Variants in SND1 observed in about 807,000 individuals in gnomAD.
SND1 encodes the protein staphylococcal nuclease and tudor domain containing 1, also known as staphylococcal nuclease domain-containing protein 1.
In SND1, 38 loss-of-function variants were observed where a neutral mutation model predicts 121.7. That is an observed-to-expected ratio of 0.31 (90% CI 0.24 to 0.41). The LOEUF is 0.41. Among genes scored for constraint, SND1 ranks in the 10% least tolerant of loss-of-function variants. SND1 has a pLI of 1.00. For missense variants in SND1, 868 were observed against 1,184.6 expected (o/e 0.73, Z 3.92); for synonymous variants, 401 against 447.4 (o/e 0.90, Z 1.31).
chr7:127,794,774 A>G (rs548674650), intron 10 of SND1, among the ~76,000 whole-genome samples: 71 of 152,268 alleles, frequency 4.7e-4, no homozygotes, highest in African/African-American at 1.7e-3. Context: ...TTGGCTCTCC[A>G]TTTTTAGCCG....
At chr7:127,828,092 G>T (rs1289729648) in intron 11 of SND1, among the ~76,000 whole-genome samples, 1 of 152,118 alleles carries the variant, frequency 6.6e-6, no homozygotes, top group Non-Finnish European at 1.5e-5. Flanking sequence ...TGCCTCACAG[G>T]TTCAAGTGAT....
intron 13 of SND1, among the ~76,000 whole-genome samples, chr7:127,895,805 A>T (rs559333345): frequency 6.6e-6 from 1 of 152,110 alleles, no homozygotes; most frequent in East Asian, 1.9e-4. Context: ...GGAGAGCTGT[A>T]TGATGTCTCC....
At position 128,052,151 on chromosome 7, in the gene SND1, C is replaced by G. The variant is rs560427527; in HGVS notation, c.1780-22351C>G. On this transcript the variant is annotated intron_variant, in intron 16 of 23. Coordinates refer to ENST00000354725, the MANE Select transcript of SND1 (RefSeq NM_014390.4). The surrounding 1 kb of genome is among the most constrained non-coding windows in gnomAD (Gnocchi z 4.6). ...TGACCTTCAGTTCAGTTGGAGTGCT[C>G]TGGAACTCACTAGGGCTTTCTGAGG... Among the ~76,000 whole-genome samples the G allele has an allele frequency of 1.3e-5, 2 of 152,318 alleles. No homozygotes were observed. Among genetic ancestry groups the G allele is most frequent in the African/African-American group, 2.4e-5 (1 of 41,562 alleles).
At chr7:127,739,604 G>T (rs1206307202) in intron 10 of SND1, among the ~76,000 whole-genome samples, 1 of 152,178 alleles carries the variant, frequency 6.6e-6, no homozygotes, top group Non-Finnish European at 1.5e-5. Context: ...TGCCCACCAG[G>T]GGAGAGTGTA....
intron 1 of SND1, among the ~76,000 whole-genome samples, chr7:127,682,978 A>G (rs1044844586): frequency 1.3e-5 from 2 of 152,230 alleles, no homozygotes; most frequent in African/African-American, 2.4e-5. Flanking sequence ...ATTGTTGAGC[A>G]TATAGACCCT....
chr7:127,711,944 A>G (rs1172268328), intron 9 of SND1, among the ~76,000 whole-genome samples: 2 of 142,906 alleles, frequency 1.4e-5, no homozygotes, highest in African/African-American at 5.1e-5. Flanking sequence ...TGCGAAATTG[A>G]TTTTTTTTTT....
At chr7:127,956,033 T>C (rs1801584759) in intron 15 of SND1, among the ~76,000 whole-genome samples, 1 of 152,162 alleles carries the variant, frequency 6.6e-6, no homozygotes, top group African/African-American at 2.4e-5. Flanking sequence ...CCTGTTGCCT[T>C]CTCTCTTTTT....
At chr7:127,934,913 G>A (rs1801029074) in intron 15 of SND1, among the ~76,000 whole-genome samples, 2 of 152,170 alleles carry the variant, frequency 1.3e-5, no homozygotes, top group Admixed American at 1.3e-4. Context: ...AGCGGGCTGA[G>A]TGTTCATATA....
At chr7:127,737,124 T>C (rs1303909369) in intron 10 of SND1, among the ~76,000 whole-genome samples, 1 of 152,216 alleles carries the variant, frequency 6.6e-6, no homozygotes, top group Non-Finnish European at 1.5e-5. Flanking sequence ...TTAAAATCAC[T>C]GTTGCTAAAG....
chr7:127,859,720 G>A (rs1799344380), intron 12 of SND1, among the ~76,000 whole-genome samples: 1 of 152,146 alleles, frequency 6.6e-6, no homozygotes, highest in African/African-American at 2.4e-5. Flanking sequence ...GATGCTTGGT[G>A]TTTTATCAGT....
intron 4 of SND1, 64 bp from the exon 5 acceptor site, chr7:127,701,099 C>G: frequency 6.4e-7 from 1 of 1,565,066 alleles, no homozygotes; most frequent in Non-Finnish European, 8.7e-7. Flanking sequence ...AAACCTATAT[C>G]AGAGAGCCTC....
intron 1 of SND1, among the ~76,000 whole-genome samples, chr7:127,678,589 C>T (rs775568771): frequency 1.2e-4 from 19 of 152,118 alleles, no homozygotes; most frequent in East Asian, 1.9e-4. Flanking sequence ...AAAACACATA[C>T]GCACACACAC....
At chr7:127,689,610 G>A (rs887169199) in intron 2 of SND1, among the ~76,000 whole-genome samples, 5 of 152,184 alleles carry the variant, frequency 3.3e-5, no homozygotes, top group African/African-American at 1.2e-4. Context: ...AGGATACTGT[G>A]TAATCTGATC....
At chr7:127,883,261 T>A (rs1323743385) in intron 12 of SND1, among the ~76,000 whole-genome samples, 1 of 152,118 alleles carries the variant, frequency 6.6e-6, no homozygotes, top group Non-Finnish European at 1.5e-5. Context: ...TATGCCAACA[T>A]GGAGAAAATA....
intron 16 of SND1, among the ~76,000 whole-genome samples, chr7:128,049,810 GGA>G (rs914090938): frequency 2.6e-5 from 4 of 152,194 alleles, no homozygotes; most frequent in Non-Finnish European, 4.4e-5. Context: ...AACGTATGCA[GGA>G]GAGGATAGAA....
chr7:128,086,566 C>T (rs1793691077), intron 20 of SND1: 5 of 334,804 alleles, frequency 1.5e-5, no homozygotes, highest in Non-Finnish European at 2.3e-5. Flanking sequence ...CTCCCCTAGC[C>T]AGCAGCTGGA....
At chr7:127,787,807 T>A (rs1489169585) in intron 10 of SND1, among the ~76,000 whole-genome samples, 1 of 152,244 alleles carries the variant, frequency 6.6e-6, no homozygotes, top group African/African-American at 2.4e-5. Flanking sequence ...GCTTCTTTTC[T>A]ATTTTTTAAG....
In SND1 at chr7:127,792,002, C is replaced by T. The variant is rs1797917428; in HGVS notation, c.1153-15482C>T. 2.0e-5 allele frequency among the ~76,000 whole-genome samples: 3 copies of T among 152,324 alleles called. No homozygotes were observed. In the South Asian group the frequency reaches 6.2e-4, roughly 32 times the overall value. On this transcript the variant is annotated intron_variant, in intron 10 of 23. Coordinates refer to ENST00000354725, the MANE Select transcript of SND1 (RefSeq NM_014390.4). The stretch of plus-strand genomic sequence containing the variant: ...ATTCACTATCCATGAGAGTGTTCAA[C>T]AGCATATTAGGTAGAAAAAATTATA...
chr7:128,029,042 A>C lies in SND1; in HGVS notation c.1779+37986A>C. On this transcript the variant is annotated intron_variant, in intron 16 of 23. Coordinates refer to ENST00000354725, the MANE Select transcript of SND1 (RefSeq NM_014390.4). This position sits in a 1 kb window ranked among gnomAD's most constrained non-coding sequence, Gnocchi z 4.2. ...CGGCAGCTAGCAGAGTCACTGCCACAAAGCAGCCAATGATGATCTTGGTGG... is the reference window on the plus strand; with the variant it reads ...CGGCAGCTAGCAGAGTCACTGCCACCAAGCAGCCAATGATGATCTTGGTGG... 6.2e-7 allele frequency: 1 copy of C among 1,614,016 alleles called. No homozygotes were observed. Among genetic ancestry groups the C allele is most frequent in the Non-Finnish European group, 8.5e-7 (1 of 1,180,002 alleles).
Sources: gnomAD v4.1 joint callset for allele counts (sites outside exome capture counted in the v4.1 genomes callset) on GRCh38, gnomAD v4.1.1 for gene constraint, Gnocchi (gnomAD v3.1) non-coding constraint, MANE v1.5 for transcripts, NCBI Gene and HGNC (gene_info 2026-07-23, HGNC 2026-07-21) for gene names.